TAFA2: variants seen among roughly 807,000 people sequenced by gnomAD.
TAFA2 encodes the protein chemokine-like protein TAFA-2.
In TAFA2, 7 loss-of-function variants were observed where a neutral mutation model predicts 18.8. The observed-to-expected ratio is 0.37, with a 90% CI of 0.21 to 0.70. The LOEUF is 0.70. Among genes scored for constraint, TAFA2 ranks in the 30% least tolerant of loss-of-function variants. The probability of loss-of-function intolerance (pLI) is 0.53; values close to 1 mark genes in which losing one functional copy is unlikely to be tolerated. For synonymous variants in TAFA2, 60 were observed against 54.2 expected (o/e 1.11, Z -0.47); for missense variants, 122 against 158.1 (o/e 0.77, Z 1.23).
chr12:61,822,077 T>C (rs1358861485), intron 2 of TAFA2, among the ~76,000 whole-genome samples: 1 of 152,122 alleles, frequency 6.6e-6, no homozygotes, highest in Non-Finnish European at 1.5e-5. Context: ...TATTTTTGAA[T>C]ATATTTTGCA....
intron 1 of TAFA2, among the ~76,000 whole-genome samples, chr12:62,175,689 A>C (rs1920100): frequency 0.3 from 46,288 of 151,848 alleles, 7,392 homozygotes; most frequent in African/African-American, 0.36. Flanking sequence ...TATTCTTTCA[A>C]AAGGGGCCTT....
At chr12:62,019,035 A>C (rs2136725593) in intron 1 of TAFA2, among the ~76,000 whole-genome samples, 1 of 152,374 alleles carries the variant, frequency 6.6e-6, no homozygotes, top group South Asian at 2.1e-4. Context: ...GACACTTCTC[A>C]AAAGAAGACA....
At chr12:61,851,887 G>A (rs1167434143) in intron 2 of TAFA2, among the ~76,000 whole-genome samples, 9 of 140,612 alleles carry the variant, frequency 6.4e-5, no homozygotes, top group African/African-American at 2.4e-4. Flanking sequence ...CACCTGGGTC[G>A]ACAATGGATA....
At chr12:61,968,713 G>A (rs192190671) in intron 1 of TAFA2, among the ~76,000 whole-genome samples, 1 of 151,718 alleles carries the variant, frequency 6.6e-6, no homozygotes, top group Non-Finnish European at 1.5e-5. Context: ...TTGAAACAAT[G>A]CTATTCAATT....
chr12:61,930,461 G>T (rs1032368459), intron 1 of TAFA2, among the ~76,000 whole-genome samples: 10 of 152,182 alleles, frequency 6.6e-5, no homozygotes, highest in Admixed American at 5.9e-4. Flanking sequence ...TACATGGATT[G>T]TCACATTCCT....
intron 2 of TAFA2, among the ~76,000 whole-genome samples, chr12:61,834,900 T>A (rs1872857874): frequency 6.6e-6 from 1 of 152,042 alleles, no homozygotes; most frequent in Non-Finnish European, 1.5e-5. Context: ...AATTATATAA[T>A]TTATATCTTT....
intron 1 of TAFA2, among the ~76,000 whole-genome samples, chr12:62,102,636 T>C (rs1403965727): frequency 6.6e-6 from 1 of 152,168 alleles, no homozygotes; most frequent in African/African-American, 2.4e-5. Context: ...TCAGAAGTGT[T>C]CTAAACTACA....
chr12:62,160,601 G>A (rs1345636588), intron 1 of TAFA2, among the ~76,000 whole-genome samples: 2 of 152,168 alleles, frequency 1.3e-5, no homozygotes, highest in Non-Finnish European at 2.9e-5. Context: ...AAGGCCCCAA[G>A]TCATGCAAAG....
chr12:62,134,853 C>A (rs1870833390), intron 1 of TAFA2, among the ~76,000 whole-genome samples: 1 of 151,980 alleles, frequency 6.6e-6, no homozygotes, highest in Non-Finnish European at 1.5e-5. Flanking sequence ...ATTCCTCAAG[C>A]TGCTATTGCA....
At chr12:61,908,966 G>GAGTGAT (rs562407153) in intron 1 of TAFA2, among the ~76,000 whole-genome samples, 11 of 152,178 alleles carry the variant, frequency 7.2e-5, no homozygotes, top group African/African-American at 2.6e-4. Context: ...TTTCATCCTA[G>GAGTGAT]AGTGATCCAG....
chr12:61,785,353 G>GTGTGTT (rs1164158832), intron 2 of TAFA2, among the ~76,000 whole-genome samples: 16 of 146,592 alleles, frequency 1.1e-4, no homozygotes, highest in African/African-American at 3.3e-4. Context: ...GTGTGTGTGT[G>GTGTGTT]TGTGTGTTTG....
chr12:62,026,624 G>A (rs1368250256), intron 1 of TAFA2, among the ~76,000 whole-genome samples: 1 of 152,028 alleles, frequency 6.6e-6, no homozygotes, highest in Admixed American at 6.6e-5. Context: ...GCTTTGTTTT[G>A]GTTTGCAGAG....
intron 2 of TAFA2, among the ~76,000 whole-genome samples, chr12:61,838,813 C>T (rs941357353): frequency 1.3e-5 from 2 of 151,876 alleles, no homozygotes; most frequent in African/African-American, 2.4e-5. Context: ...TTCCAGAAAA[C>T]GTTATTAAAA....
chr12:62,092,352 C>T (rs534540901), intron 1 of TAFA2, among the ~76,000 whole-genome samples: 2 of 152,102 alleles, frequency 1.3e-5, no homozygotes, highest in East Asian at 1.9e-4. Flanking sequence ...ACCAAACCTC[C>T]TTGAAGGAGT....
intron 1 of TAFA2, among the ~76,000 whole-genome samples, chr12:61,888,016 A>T (rs975555136): frequency 6.6e-6 from 1 of 152,038 alleles, no homozygotes; most frequent in Non-Finnish European, 1.5e-5. Flanking sequence ...AATGCAAATC[A>T]AAACCACAAT....
chr12:61,796,217 A>G (rs1025609951), intron 2 of TAFA2, among the ~76,000 whole-genome samples: 11 of 152,148 alleles, frequency 7.2e-5, no homozygotes, highest in African/African-American at 2.4e-4. Context: ...ATTGCTAGAG[A>G]GATGATAGAT....
chr12:62,100,608 C>T (rs1360950807), intron 1 of TAFA2, among the ~76,000 whole-genome samples: 1 of 152,180 alleles, frequency 6.6e-6, no homozygotes, highest in Non-Finnish European at 1.5e-5. Context: ...TCATCCCATC[C>T]AGTCATCCTA....
chr12:62,204,185 TG>T (rs1415766005), intron 1 of TAFA2, among the ~76,000 whole-genome samples: 2 of 152,180 alleles, frequency 1.3e-5, no homozygotes, highest in Non-Finnish European at 2.9e-5. Flanking sequence ...TCTGGCTTGT[TG>T]GGTTTCTCAG....
intron 2 of TAFA2, among the ~76,000 whole-genome samples, chr12:61,789,668 T>C (rs1401136935): frequency 1.3e-5 from 2 of 151,876 alleles, no homozygotes; most frequent in Non-Finnish European, 1.5e-5. Flanking sequence ...TCTGTGCATG[T>C]ATCCCAGAAC....
Sources: gnomAD v4.1 joint callset for allele counts (sites outside exome capture counted in the v4.1 genomes callset) on GRCh38, gnomAD v4.1.1 for gene constraint, MANE v1.5 for transcripts, NCBI Gene and HGNC (gene_info 2026-07-23, HGNC 2026-07-21) for gene names.